RPL31: variants seen among roughly 807,000 people sequenced by gnomAD.
The protein encoded by RPL31 is ribosomal protein L31.
For missense variants in RPL31, 95 were observed against 164.0 expected (o/e 0.58, Z 2.30); for synonymous variants, 51 against 55.0 (o/e 0.93, Z 0.32).
intron 4 of RPL31, among the ~76,000 whole-genome samples, chr2:101,015,894 C>T (rs1679597012): frequency 6.6e-6 from 1 of 151,920 alleles, no homozygotes. Context: ...AACTGGATCC[C>T]TTCCTTACAC....
At chr2:101,019,170 G>A in exon 5 of RPL31, 2 of 1,293,752 alleles carry the variant, frequency 1.5e-6, no homozygotes, top group South Asian at 1.4e-5. Flanking sequence ...AGAGGGCCAG[G>A]CCTGTTCTAC....
chr2:101,004,074 C>G, intron 2 of RPL31, 84 bp from the exon 3 acceptor site: 7 of 1,467,822 alleles, frequency 4.8e-6, no homozygotes, highest in Non-Finnish European at 6.5e-6. Context: ...TTCCAGGAGC[C>G]TATCATCGAC....
At chr2:101,009,931 C>T (rs1280606565), downstream of RPL31, among the ~76,000 whole-genome samples, 4 of 151,564 alleles carry the variant, frequency 2.6e-5, no homozygotes, top group African/African-American at 9.7e-5. Flanking sequence ...ATGCCATTCT[C>T]CTGCCTCAGC....
rs764153043 is a variant in RPL31, at chr2:101,019,019, C to T, written c.368C>T (p.Thr123Ile). ...CTAGTTTCTGTGCTAAACAGTGTTA[C>T]AGTCGCCAAGAGCCCATAAAGGGAG... The change falls in exon 5 of 5, where the codon ACA (threonine) becomes ATA (isoleucine). Residue 123 changes from threonine to isoleucine, a missense_variant. Coordinates refer to the RPL31 transcript ENST00000409028. 8 of 1,612,294 alleles carry T rather than the reference C, an allele frequency of 5.0e-6. No homozygotes were observed. The Admixed American group carries it at 1.2e-4, about 24-fold the overall frequency.
At chr2:101,003,351 T>C (rs1558957472) in intron 2 of RPL31, among the ~76,000 whole-genome samples, 3 of 152,158 alleles carry the variant, frequency 2.0e-5, no homozygotes, top group Non-Finnish European at 4.4e-5. Flanking sequence ...TCTTGCTCTG[T>C]CTCCAGCCTG....
chr2:101,007,726 T>C (rs1277266323), downstream of RPL31: 3 of 1,302,416 alleles, frequency 2.3e-6, no homozygotes, highest in Non-Finnish European at 3.2e-6. Flanking sequence ...ATTGGTAAGG[T>C]AGACTGAAAT....
intron 3 of RPL31, chr2:101,004,660 G>T: frequency 3.9e-6 from 1 of 259,070 alleles, no homozygotes; most frequent in Non-Finnish European, 7.2e-6. Context: ...GGAGAGAAGT[G>T]GTTCTTGGCC....
chr2:101,007,313 A>G (rs766536641), downstream of RPL31: 9 of 153,588 alleles, frequency 5.9e-5, no homozygotes, highest in Non-Finnish European at 1.2e-4. Flanking sequence ...GGAAGGACAT[A>G]TAAAGTGAAT....
exon 5 of RPL31, chr2:101,019,380 T>C (rs1679886116): frequency 5.3e-6 from 1 of 187,488 alleles, no homozygotes; most frequent in Admixed American, 5.8e-5. Context: ...TTTTTCATTA[T>C]GAAAGTAAGT....
chr2:101,015,263 G>A (rs372886346), intron 4 of RPL31, among the ~76,000 whole-genome samples: 1 of 152,168 alleles, frequency 6.6e-6, no homozygotes, highest in Non-Finnish European at 1.5e-5. Flanking sequence ...TGGTATACCT[G>A]TATAGACCAC....
intron 4 of RPL31, chr2:101,018,950 T>C (rs757360186): frequency 3.7e-6 from 6 of 1,600,934 alleles, no homozygotes; most frequent in Non-Finnish European, 5.1e-6. Context: ...TCTTCGTCTG[T>C]GTGTTACCTG....
downstream of RPL31, chr2:101,011,603 T>C: frequency 3.8e-6 from 6 of 1,563,348 alleles, no homozygotes; most frequent in South Asian, 6.7e-5. Context: ...CTGACAGTAA[T>C]GTAGCTTTCT....
chr2:101,011,166 T>G (rs1679180054), downstream of RPL31: 1 of 827,502 alleles, frequency 1.2e-6, no homozygotes, highest in East Asian at 2.6e-5. Flanking sequence ...AGCAAGAGAT[T>G]CCCCTGGAGA....
downstream of RPL31, among the ~76,000 whole-genome samples, chr2:101,011,835 T>C (rs1408736449): frequency 6.6e-6 from 1 of 152,240 alleles, no homozygotes; most frequent in Non-Finnish European, 1.5e-5. Context: ...AAAAAATGTA[T>C]GTAGTGAAAT....
chr2:101,007,724 G>A (rs1246589408), downstream of RPL31: 2 of 1,285,480 alleles, frequency 1.6e-6, no homozygotes, highest in East Asian at 2.3e-5. Context: ...CCATTGGTAA[G>A]GTAGACTGAA....
chr2:101,004,054 T>TA, intron 2 of RPL31, 104 bp from the exon 3 acceptor site: 1 of 1,339,964 alleles, frequency 7.5e-7, no homozygotes, highest in Non-Finnish European at 1.0e-6. Flanking sequence ...AGACATTGCT[T>TA]AAAGTCAGTT....
intron 4 of RPL31, 40 bp downstream of exon 4, chr2:101,006,111 A>G: frequency 6.2e-7 from 1 of 1,600,722 alleles, no homozygotes; most frequent in Non-Finnish European, 8.5e-7. Context: ...AATTCATTAG[A>G]AAAATGTCCT....
rs1679779991 is a variant in RPL31 at position 101,018,011 on chromosome 2, C to T, written c.347-987C>T. The T allele has an allele frequency of 7.3e-6, 10 of 1,373,482 alleles. No individual in the cohort carries two copies. In the South Asian group the frequency reaches 1.3e-4, roughly 18 times the overall value. 85.1% of individuals were successfully genotyped at this position (1,373,482 alleles called of 1,614,324 possible). A position where few individuals can be genotyped will look rare whatever the true frequency, so the allele number is the denominator to read the frequency against. ...CCAATGCTCGCAATTCTACTTCAAGCATGTGCTCATTCTACATATCAACCC... is the reference window on the plus strand; with the variant it reads ...CCAATGCTCGCAATTCTACTTCAAGTATGTGCTCATTCTACATATCAACCC... On this transcript the variant is annotated intron_variant, in intron 4 of 4. Transcript: ENST00000409028.
downstream of RPL31, chr2:101,008,291 CTT>C: frequency 1.3e-6 from 2 of 1,499,180 alleles, no homozygotes; most frequent in Non-Finnish European, 1.8e-6. Context: ...TGAAATAAGT[CTT>C]AGGTAGCAGC....
Sources: allele counts gnomAD v4.1 joint callset (sites outside exome capture counted in the v4.1 genomes callset), GRCh38; gene constraint gnomAD v4.1.1; transcripts MANE v1.5; gene names NCBI Gene and HGNC (gene_info 2026-07-23, HGNC 2026-07-21).